The following DTNBP1 variants were observed in gnomAD, a reference collection of about 807,000 sequenced individuals.
DTNBP1 encodes the protein dysbindin.
Under a neutral mutation model 42.8 loss-of-function variants are expected in DTNBP1, and 35 were observed. The observed-to-expected ratio is 0.82, with a 90% CI of 0.63 to 1.09. The LOEUF (loss-of-function observed/expected upper bound fraction) is 1.09, where lower values mean the gene tolerates loss of function less well. Ranked by LOEUF, DTNBP1 falls within the 50% of genes least tolerant of loss-of-function variation. DTNBP1 has a pLI of 0.00. For synonymous variants in DTNBP1, 171 were observed against 162.2 expected, an observed-to-expected ratio of 1.05 and a Z score of -0.41; for missense variants, 457 against 424.2, an observed-to-expected ratio of 1.08 and a Z score of -0.68.
intron 7 of DTNBP1, among the ~76,000 whole-genome samples, chr6:15,548,111 A>G (rs1773988222): frequency 6.6e-6 from 1 of 152,226 alleles, no homozygotes; most frequent in Non-Finnish European, 1.5e-5. Flanking sequence ...AATCACAATG[A>G]TAACCTAAGG....
intron 7 of DTNBP1, among the ~76,000 whole-genome samples, chr6:15,534,146 C>A (rs1399840654): frequency 6.6e-6 from 1 of 152,114 alleles, no homozygotes; most frequent in Non-Finnish European, 1.5e-5. Flanking sequence ...TGGATGGAGA[C>A]ACGAAGTGTG....
intron 1 of DTNBP1, among the ~76,000 whole-genome samples, chr6:15,661,757 A>C (rs1761647240): frequency 6.6e-6 from 1 of 152,238 alleles, no homozygotes; most frequent in Admixed American, 6.5e-5. Flanking sequence ...GATCCTTTTC[A>C]AAGACAGATC....
chr6:15,625,666 T>C (rs1029285730), intron 5 of DTNBP1, among the ~76,000 whole-genome samples: 2 of 152,204 alleles, frequency 1.3e-5, no homozygotes, highest in African/African-American at 4.8e-5. Flanking sequence ...TGTGGCAGAA[T>C]GCATTTAATC....
At position 15,652,053 on chromosome 6, in the gene DTNBP1, T is replaced by A. The variant is rs775111334; in HGVS notation, c.110+34A>T. 5 of 1,597,482 alleles carry A rather than the reference T, an allele frequency of 3.1e-6. No homozygotes were observed. The Admixed American group carries it at 8.3e-5, about 27-fold the overall frequency. On this transcript the variant is annotated intron_variant, in intron 2 of 9. Transcript: ENST00000344537. ...CACCAAAAGTTGTATGAAATTTAAG[T>A]CACAGTTAAGTTAAAATCTTAGCAC... is the stretch of plus-strand genomic sequence containing the variant.
At chr6:15,621,027 A>G (rs1007372740) in intron 5 of DTNBP1, among the ~76,000 whole-genome samples, 3 of 152,248 alleles carry the variant, frequency 2.0e-5, no homozygotes, top group African/African-American at 7.2e-5. Flanking sequence ...TTGAAAACTA[A>G]TAATTTCATT....
At chr6:15,645,255 A>G (rs932798830) in intron 3 of DTNBP1, among the ~76,000 whole-genome samples, 1 of 152,000 alleles carries the variant, frequency 6.6e-6, no homozygotes, top group African/African-American at 2.4e-5. Flanking sequence ...TGAACAGACC[A>G]ATAACAAGTT....
At chr6:15,644,954 CA>C (rs903755099) in intron 3 of DTNBP1, among the ~76,000 whole-genome samples, 7 of 146,176 alleles carry the variant, frequency 4.8e-5, no homozygotes, top group South Asian at 2.2e-4. Context: ...AAATTGAGAC[CA>C]AAAAAAAACC....
chr6:15,525,968 CA>C (rs1469187723), intron 8 of DTNBP1, among the ~76,000 whole-genome samples: 2 of 152,138 alleles, frequency 1.3e-5, no homozygotes, highest in Non-Finnish European at 2.9e-5. Context: ...TGAAGAACAT[CA>C]AAAGACAAAG....
chr6:15,614,930 G>A, intron 6 of DTNBP1: 1 of 392,302 alleles, frequency 2.5e-6, no homozygotes, highest in Non-Finnish European at 4.9e-6. Flanking sequence ...AGTAATGGAG[G>A]AGAAGAGCAG....
At chr6:15,629,457 A>G (rs1279026522) in intron 4 of DTNBP1, among the ~76,000 whole-genome samples, 1 of 152,206 alleles carries the variant, frequency 6.6e-6, no homozygotes, top group Non-Finnish European at 1.5e-5. Flanking sequence ...ATTTAACTAC[A>G]GTTTAGTTCA....
intron 4 of DTNBP1, among the ~76,000 whole-genome samples, chr6:15,635,628 G>A (rs906597511): frequency 6.6e-6 from 1 of 152,196 alleles, no homozygotes; most frequent in Non-Finnish European, 1.5e-5. Flanking sequence ...CAATTTTACA[G>A]ATAAAAATTC....
chr6:15,545,922 G>A (rs1050346603), intron 7 of DTNBP1: 23 of 359,192 alleles, frequency 6.4e-5, no homozygotes, highest in South Asian at 3.6e-4. Context: ...TTAGAAGACC[G>A]GGGTCTGACT....
intron 7 of DTNBP1, chr6:15,546,125 G>C (rs907766886): frequency 2.2e-4 from 89 of 395,856 alleles, no homozygotes; most frequent in Middle Eastern, 6.7e-4. Context: ...GAGTGCAATG[G>C]TGCGATCTCG....
At chr6:15,597,723 T>C (rs1447876396) in intron 6 of DTNBP1, among the ~76,000 whole-genome samples, 1 of 152,252 alleles carries the variant, frequency 6.6e-6, no homozygotes, top group African/African-American at 2.4e-5. Context: ...TCTTCCATCC[T>C]GCATCACATG....
At chr6:15,647,196 TAG>T (rs1258552179) in intron 3 of DTNBP1, among the ~76,000 whole-genome samples, 3 of 151,656 alleles carry the variant, frequency 2.0e-5, no homozygotes, top group Non-Finnish European at 4.4e-5. Context: ...AGGATATGAA[TAG>T]ACTCTTCTCA....
At chr6:15,634,393 T>C (rs1759878623) in intron 4 of DTNBP1, among the ~76,000 whole-genome samples, 1 of 152,180 alleles carries the variant, frequency 6.6e-6, no homozygotes, top group Non-Finnish European at 1.5e-5. Flanking sequence ...CTCAGCTCAT[T>C]ACAACCTCTG....
At chr6:15,539,170 AAACT>A (rs1171556612) in intron 7 of DTNBP1, among the ~76,000 whole-genome samples, 1 of 152,256 alleles carries the variant, frequency 6.6e-6, no homozygotes, top group Admixed American at 6.5e-5. Context: ...CAAGAAACAC[AAACT>A]AATGCTAACC....
intron 7 of DTNBP1, among the ~76,000 whole-genome samples, chr6:15,565,066 A>G (rs1346003176): frequency 6.6e-6 from 1 of 152,226 alleles, no homozygotes; most frequent in East Asian, 1.9e-4. Flanking sequence ...AGATGGCACC[A>G]CTGCACTGTA....
chr6:15,532,697 CTTTTT>C (rs373480713), intron 8 of DTNBP1, among the ~76,000 whole-genome samples: 8 of 93,112 alleles, frequency 8.6e-5, no homozygotes, highest in African/African-American at 3.1e-4. Context: ...TGTTTGTAAT[CTTTTT>C]TTTTTTTTTT....
Sources: allele counts gnomAD v4.1 joint callset (sites outside exome capture counted in the v4.1 genomes callset), GRCh38; gene constraint gnomAD v4.1.1; transcripts MANE v1.5; gene names NCBI Gene and HGNC (gene_info 2026-07-23, HGNC 2026-07-21).